Variants in TMEM131 observed in about 807,000 individuals in gnomAD.
TMEM131 encodes the protein transmembrane protein 131.
In TMEM131, 66 loss-of-function variants were observed where a neutral mutation model predicts 211.6. The observed-to-expected ratio is 0.31, with a 90% confidence interval of 0.26 to 0.38. TMEM131 has a LOEUF of 0.38. Among genes scored for constraint, TMEM131 ranks in the 10% least tolerant of loss-of-function variants. The pLI is 1.00. For synonymous variants in TMEM131, 844 were observed against 841.3 expected, an observed-to-expected ratio of 1.00 and a Z score of -0.06; for missense variants, 2,036 against 2,299.3, an observed-to-expected ratio of 0.89 and a Z score of 2.34.
chr2:97,982,869 T>TA (rs539617602), intron 1 of TMEM131, among the ~76,000 whole-genome samples: 10 of 152,262 alleles, frequency 6.6e-5, no homozygotes, highest in East Asian at 1.9e-4. Context: ...CTCTAGAAGC[T>TA]AAAAAAGACA....
chr2:97,910,395 C>A (rs1467121164), intron 2 of TMEM131, among the ~76,000 whole-genome samples: 1 of 152,096 alleles, frequency 6.6e-6, no homozygotes, highest in Non-Finnish European at 1.5e-5. Context: ...CCCTAAAGAA[C>A]TGAAAACAGG....
In TMEM131 at chr2:97,805,361, A is replaced by G; in HGVS notation, c.2284+15T>C. ...GGGAAGTGAAGACATGAGAGAGAAC[A>G]GCAAGGTCACTTACATTTGGATAGA... On this transcript the variant is annotated intron_variant, in intron 21 of 40. Coordinates refer to ENST00000186436, the MANE Select transcript of TMEM131 (RefSeq NM_015348.2). The G allele has an allele frequency of 6.2e-7, 1 of 1,612,024 alleles. No individual in the cohort carries two copies. Among genetic ancestry groups the G allele is most frequent in the Non-Finnish European group, 8.5e-7 (1 of 1,178,586 alleles).
intron 28 of TMEM131, among the ~76,000 whole-genome samples, 196 bp downstream of exon 28, chr2:97,796,022 A>T (rs530073929): frequency 6.6e-6 from 1 of 152,274 alleles, no homozygotes; most frequent in East Asian, 1.9e-4. Flanking sequence ...GAAATGCCTT[A>T]ACCAAAGATT....
chr2:97,795,636 T>C (rs1265545211), intron 28 of TMEM131, among the ~76,000 whole-genome samples: 1 of 152,232 alleles, frequency 6.6e-6, no homozygotes, highest in African/African-American at 2.4e-5. Flanking sequence ...TTATATGCAA[T>C]AATGTAGCTA....
At chr2:97,838,423 A>C (rs1683033604) in intron 7 of TMEM131, among the ~76,000 whole-genome samples, 1 of 134,928 alleles carries the variant, frequency 7.4e-6, no homozygotes, top group African/African-American at 3.2e-5. Context: ...TCTTAAGCTT[A>C]AACTTTTTTT....
At chr2:97,908,742 A>G in intron 2 of TMEM131, 44 bp from the exon 3 acceptor site, 2 of 1,507,460 alleles carry the variant, frequency 1.3e-6, no homozygotes, top group Non-Finnish European at 1.8e-6. Flanking sequence ...GAAGCCAAAT[A>G]TTTATATTAC....
chr2:97,891,176 T>G (rs534516224), intron 3 of TMEM131, among the ~76,000 whole-genome samples: 1 of 152,324 alleles, frequency 6.6e-6, no homozygotes, highest in South Asian at 2.1e-4. Flanking sequence ...ATATGTAATA[T>G]TGAAAAACAA....
chr2:97,757,448 GT>G, intron 40 of TMEM131, 65 bp from the exon 41 acceptor site: 1 of 1,503,672 alleles, frequency 6.7e-7, no homozygotes, highest in Non-Finnish European at 8.9e-7. Flanking sequence ...GGGTAAGGGG[GT>G]AAGGCTACAG....
rs757887862 is a variant in TMEM131 at position 97,815,304 on chromosome 2, G to A, written c.1187C>T (p.Ser396Leu). ...TKVASISFDASKAKKPSQFSG... is the reference protein window; with the variant it reads ...TKVASISFDALKAKKPSQFSG... The stretch of plus-strand genomic sequence containing the variant: ...AAACTGAGATGGCTTTTTTGCCTTC[G>A]ATGCTGAAAGGAAGCATAAAAAATA... Residue 396 changes from serine (S) to leucine (L), a missense_variant, in exon 13 of 41, where the codon TCG (serine) becomes TTG (leucine). By Grantham distance (145) the Ser-to-Leu change is moderately radical. Coordinates refer to ENST00000186436, the MANE Select transcript of TMEM131 (RefSeq NM_015348.2). The A allele has an allele frequency of 1.3e-5, 20 of 1,544,116 alleles. No homozygotes were observed. The highest frequency in any genetic ancestry group is 2.4e-5 in the East Asian group (1 of 41,216).
At position 97,812,732 on chromosome 2, in the gene TMEM131, G is replaced by A. The variant is rs1681610226; in HGVS notation, c.1635C>T (p.Pro545=). Residue 545 remains proline (P), a synonymous_variant, in exon 16 of 41, where the codon CCC becomes CCT. Transcript: ENST00000186436. ...TGFLDYFVLP[P]KIEERFIDFG... is the part of the protein sequence containing the mutation. ...AATCTATGAAACGTTCCTCTATTTT[G>A]GGGGGCAATACAAAGTACTGGAAAG... The A allele has an allele frequency of 1.9e-6, 3 of 1,582,046 alleles. No individual in the cohort carries two copies. The highest frequency in any genetic ancestry group is 2.6e-6 in the Non-Finnish European group (3 of 1,168,174).
chr2:97,760,765 G>A (rs762570224), intron 37 of TMEM131, 28 bp downstream of exon 37: 2 of 1,613,728 alleles, frequency 1.2e-6, no homozygotes, highest in South Asian at 1.1e-5. Flanking sequence ...CGCCTGGCGT[G>A]GCAGGTCTCT....
intron 31 of TMEM131, among the ~76,000 whole-genome samples, chr2:97,785,392 CA>C (rs754529897): frequency 4.6e-5 from 7 of 152,072 alleles, no homozygotes; most frequent in Non-Finnish European, 1.0e-4. Flanking sequence ...GGAAAACATA[CA>C]GATGTCAAAT....
intron 4 of TMEM131, among the ~76,000 whole-genome samples, chr2:97,862,037 A>C (rs192384749): frequency 5.5e-4 from 83 of 152,254 alleles, no homozygotes; most frequent in African/African-American, 1.9e-3. Context: ...AGAGAGAGAG[A>C]GACTGTTTGT....
At chr2:97,992,015 A>T (rs1680290928) in intron 1 of TMEM131, among the ~76,000 whole-genome samples, 1 of 152,214 alleles carries the variant, frequency 6.6e-6, no homozygotes, top group Admixed American at 6.5e-5. Flanking sequence ...TCCATCAGGC[A>T]ACAGCCTTTA....
intron 1 of TMEM131, among the ~76,000 whole-genome samples, chr2:97,970,520 A>G (rs1255031360): frequency 2.0e-5 from 3 of 152,196 alleles, no homozygotes; most frequent in Non-Finnish European, 4.4e-5. Flanking sequence ...AAGGTCCACA[A>G]ATAATTTGCC....
chr2:97,932,144 A>C (rs1194235509), intron 1 of TMEM131, among the ~76,000 whole-genome samples: 1 of 147,798 alleles, frequency 6.8e-6, no homozygotes, highest in Non-Finnish European at 1.5e-5. Flanking sequence ...CCTGTCTTAA[A>C]AAAAAAAAAA....
intron 2 of TMEM131, among the ~76,000 whole-genome samples, chr2:97,915,713 T>C (rs1368327220): frequency 1.3e-5 from 2 of 152,176 alleles, no homozygotes; most frequent in East Asian, 3.8e-4. Context: ...TTCTTTGGTG[T>C]CAAGAACTCT....
At chr2:97,770,529 T>C (rs1388994658) in intron 33 of TMEM131, among the ~76,000 whole-genome samples, 2 of 152,214 alleles carry the variant, frequency 1.3e-5, no homozygotes, top group Non-Finnish European at 2.9e-5. Flanking sequence ...CACTCTAAGC[T>C]TTTTGGTTTA....
rs2104701749 is a variant in TMEM131, at chr2:97,995,691, A to G, written c.-29T>C. The G allele has an allele frequency of 8.4e-7, 1 of 1,189,270 alleles. No homozygotes were observed. Among genetic ancestry groups the G allele is most frequent in the East Asian group, 3.6e-5 (1 of 27,574 alleles). The allele number at this position is 1,189,270 out of a possible 1,614,324, so 73.7% of individuals were successfully genotyped here. A position where few individuals can be genotyped will look rare whatever the true frequency, so the allele number is the denominator to read the frequency against. ...TGCCGGCCGGGGGCCGCCGCGCTCG[A>G]GGTCCGGCGCGGCCCTTCTCGGCGA... On this transcript the variant is annotated 5_prime_UTR_variant, in exon 1 of 41. Transcript: ENST00000186436.
Sources: gnomAD v4.1 joint callset for allele counts (sites outside exome capture counted in the v4.1 genomes callset) on GRCh38, gnomAD v4.1.1 for gene constraint, MANE v1.5 for transcripts, NCBI Gene and HGNC (gene_info 2026-07-23, HGNC 2026-07-21) for gene names.